DEPDC5: variants seen among roughly 807,000 people sequenced by gnomAD.
DEPDC5 encodes the protein GATOR1 complex protein DEPDC5.
In DEPDC5, 73 loss-of-function variants were observed where a neutral mutation model predicts 217.3. That is an observed-to-expected ratio of 0.34 (90% CI 0.28 to 0.41). The LOEUF (loss-of-function observed/expected upper bound fraction) is 0.41. Among genes scored for constraint, DEPDC5 ranks in the 10% least tolerant of loss-of-function variants. The pLI, the probability that DEPDC5 is intolerant of heterozygous loss-of-function variation, is 1.00. For synonymous variants in DEPDC5, 733 were observed against 756.7 expected (o/e 0.97, Z 0.51); for missense variants, 1,675 against 2,070.1 (o/e 0.81, Z 3.70).
rs570241920 is a variant in DEPDC5 at position 31,832,680 on chromosome 22, T to C, written c.2105-1235T>C. On this transcript the variant is annotated intron_variant, in intron 24 of 42. Coordinates refer to ENST00000651528, the MANE Select transcript of DEPDC5 (RefSeq NM_001242896.3). ...AAATCACTGTGCTTTTAATTTGCTA[T>C]TTCCTTAATGACTACTGATGTTAAG... Among the ~76,000 whole-genome samples the C allele has an allele frequency of 2.2e-4, 33 of 152,324 alleles. No individual in the cohort carries two copies. In the South Asian group the frequency reaches 6.4e-3, roughly 30 times the overall value.
chr22:31,768,705 G>T (rs1392264958), intron 6 of DEPDC5, 109 bp from the exon 7 acceptor site: 4 of 942,906 alleles, frequency 4.2e-6, no homozygotes, highest in Admixed American at 2.3e-5. Context: ...AAAGCTAGGA[G>T]TTCTTGTTTG....
At chr22:31,863,531 A>T (rs1279865279) in intron 33 of DEPDC5, among the ~76,000 whole-genome samples, 2 of 152,214 alleles carry the variant, frequency 1.3e-5, no homozygotes, top group Non-Finnish European at 2.9e-5. Context: ...CACACAAATA[A>T]GGATTATATT....
rs2082316143 is a variant in DEPDC5, at chr22:31,760,707, G to T, written c.193+5G>T. On this transcript the variant is annotated splice_donor_5th_base_variant and intron_variant, in intron 4 of 42. Transcript: ENST00000651528. ...TTAAGGAAGATTTACAGAAGGGTAAGAATTATATCACTCTTCTTAGAATTT... is the reference window on the plus strand; with the variant it reads ...TTAAGGAAGATTTACAGAAGGGTAATAATTATATCACTCTTCTTAGAATTT... 1.2e-6 allele frequency: 2 copies of T among 1,604,568 alleles called. No homozygotes were observed. The highest frequency in any genetic ancestry group is 1.7e-5 in the Admixed American group (1 of 58,108).
chr22:31,853,996 G>A (rs1027593300), intron 31 of DEPDC5, among the ~76,000 whole-genome samples: 1 of 152,222 alleles, frequency 6.6e-6, no homozygotes, highest in Non-Finnish European at 1.5e-5. Flanking sequence ...CTGCTTCTGT[G>A]TAGGCTGTGT....
At chr22:31,757,493 A>C (rs1189399080) in intron 2 of DEPDC5, 1 of 152,208 alleles carries the variant, frequency 6.6e-6, no homozygotes, top group Non-Finnish European at 1.5e-5. Flanking sequence ...GCAAGACCTT[A>C]TCTCTAAAAG....
chr22:31,851,325 T>C (rs1784492617), intron 31 of DEPDC5, among the ~76,000 whole-genome samples: 1 of 151,394 alleles, frequency 6.6e-6, no homozygotes, highest in African/African-American at 2.4e-5. Flanking sequence ...GCAGGAAGAG[T>C]GTGGTGTCAT....
intron 27 of DEPDC5, among the ~76,000 whole-genome samples, chr22:31,841,036 T>C (rs2091358719): frequency 6.6e-6 from 1 of 152,246 alleles, no homozygotes; most frequent in South Asian, 2.1e-4. Context: ...TCATGAACCT[T>C]GTCCCATGGC....
chr22:31,810,273 G>A (rs539302707), intron 19 of DEPDC5, among the ~76,000 whole-genome samples: 9 of 152,210 alleles, frequency 5.9e-5, no homozygotes, highest in Non-Finnish European at 1.2e-4. Context: ...CCTTTATTTA[G>A]TGCTATACTA....
At chr22:31,875,991 A>C in intron 36 of DEPDC5, 166 bp from the exon 37 acceptor site, 2 of 578,552 alleles carry the variant, frequency 3.5e-6, no homozygotes, top group Non-Finnish European at 6.1e-6. Flanking sequence ...ATACGAGTTT[A>C]CATTTTAAAA....
At chr22:31,834,146 G>A in intron 25 of DEPDC5, 166 bp downstream of exon 25, 5 of 747,936 alleles carry the variant, frequency 6.7e-6, no homozygotes, top group Non-Finnish European at 1.2e-5. Context: ...TGGACTCTGT[G>A]ATGGAAAGTG....
At chr22:31,757,578 G>C (rs2082039981) in intron 2 of DEPDC5, 1 of 152,124 alleles carries the variant, frequency 6.6e-6, no homozygotes, top group Non-Finnish European at 1.5e-5. Context: ...GATTATATTT[G>C]AAATCTAGAT....
chr22:31,811,941 T>C (rs1458407550), intron 20 of DEPDC5, among the ~76,000 whole-genome samples: 1 of 152,192 alleles, frequency 6.6e-6, no homozygotes, highest in Non-Finnish European at 1.5e-5. Flanking sequence ...GAGTTACAGA[T>C]GTGTATTTCA....
intron 4 of DEPDC5, among the ~76,000 whole-genome samples, chr22:31,760,978 CA>C (rs773477344): frequency 4.0e-5 from 6 of 150,646 alleles, no homozygotes; most frequent in African/African-American, 7.3e-5. Flanking sequence ...TGTGTCTTAA[CA>C]TTGTTTTTTT....
intron 40 of DEPDC5, among the ~76,000 whole-genome samples, chr22:31,901,175 C>T (rs557235489): frequency 1.9e-4 from 29 of 150,574 alleles, no homozygotes; most frequent in Admixed American, 6.0e-4. Context: ...CCCGGCAGGC[C>T]GAGGTTGCAG....
intron 31 of DEPDC5, among the ~76,000 whole-genome samples, chr22:31,848,186 G>GC (rs1319462977): frequency 6.6e-6 from 1 of 152,128 alleles, no homozygotes; most frequent in Non-Finnish European, 1.5e-5. Flanking sequence ...ACTTCGGGCT[G>GC]CTTTTACGGC....
In DEPDC5 at chr22:31,837,177, A is replaced by G. The variant is rs1432024701; in HGVS notation, c.2354+22A>G. Reference sequence around the variant, plus strand: ...ACAGGTCAGTGTCAGAGAAAAAGGCACTTGGCTTGGTTGGTGAGGGTTTCG... The same window carrying G: ...ACAGGTCAGTGTCAGAGAAAAAGGCGCTTGGCTTGGTTGGTGAGGGTTTCG... On this transcript the variant is annotated intron_variant, in intron 26 of 42. Coordinates refer to ENST00000651528, the MANE Select transcript of DEPDC5 (RefSeq NM_001242896.3). 2.5e-6 allele frequency: 4 copies of G among 1,613,328 alleles called. No individual in the cohort carries two copies. In the South Asian group the frequency reaches 3.3e-5, roughly 13 times the overall value.
intron 24 of DEPDC5, among the ~76,000 whole-genome samples, chr22:31,828,135 G>A (rs1324674968): frequency 6.6e-6 from 1 of 152,056 alleles, no homozygotes; most frequent in Admixed American, 6.6e-5. Context: ...TTTTGCTCAT[G>A]ACTGTATTCC....
intron 20 of DEPDC5, among the ~76,000 whole-genome samples, chr22:31,813,256 G>C (rs575828430): frequency 6.6e-6 from 1 of 152,136 alleles, no homozygotes; most frequent in Non-Finnish European, 1.5e-5. Context: ...GAGCTACTTA[G>C]GGGCTTTTCT....
chr22:31,764,941 A>G lies in DEPDC5; in HGVS notation c.194-34A>G, dbSNP rs13057217. 2.1e-5 allele frequency: 32 copies of G among 1,539,206 alleles called. No homozygotes were observed. In the Middle Eastern group the frequency reaches 5.1e-4, roughly 24 times the overall value. On this transcript the variant is annotated intron_variant, in intron 4 of 42. Coordinates refer to ENST00000651528, the MANE Select transcript of DEPDC5 (RefSeq NM_001242896.3). ...ATATATGGATCTGCTTTTTCAAAAT[A>G]TGTTATCTGAGCCAGATATTGTTTC...
Sources: gnomAD v4.1 joint callset for allele counts (sites outside exome capture counted in the v4.1 genomes callset) on GRCh38, gnomAD v4.1.1 for gene constraint, MANE v1.5 for transcripts, NCBI Gene and HGNC (gene_info 2026-07-23, HGNC 2026-07-21) for gene names.